EPS15: variants seen among roughly 807,000 people sequenced by gnomAD.
EPS15 encodes epidermal growth factor receptor substrate 15.
EPS15 carries 72 observed loss-of-function variants against 113.8 expected under a neutral mutation model. That is an observed-to-expected ratio of 0.63 (90% CI 0.52 to 0.77). The LOEUF is 0.77. EPS15 is among the 30% of genes least tolerant of loss of function. The probability of loss-of-function intolerance (pLI) is 0.00; values close to 1 mark genes in which losing one functional copy is unlikely to be tolerated. For synonymous variants in EPS15, 344 were observed against 363.4 expected (o/e 0.95, Z 0.61); for missense variants, 1,048 against 1,045.8 (o/e 1.00, Z -0.03).
intron 2 of EPS15, among the ~76,000 whole-genome samples, chr1:51,479,993 G>A (rs187219287): frequency 6.6e-6 from 1 of 152,312 alleles, no homozygotes; most frequent in Non-Finnish European, 1.5e-5. Flanking sequence ...AAATATGGTG[G>A]AGAGAATTTC....
At chr1:51,462,670 A>G (rs936996966) in intron 7 of EPS15, among the ~76,000 whole-genome samples, 6 of 152,130 alleles carry the variant, frequency 3.9e-5, no homozygotes, top group African/African-American at 9.7e-5. Flanking sequence ...CTGTAGACCA[A>G]AAGACAGGGA....
chr1:51,518,276 A>G (rs1394484838), intron 1 of EPS15: 1 of 152,434 alleles, frequency 6.6e-6, no homozygotes, highest in African/African-American at 2.4e-5. Context: ...TTTTCTGAGA[A>G]GCACAAGGAC....
chr1:51,435,815 A>C (rs1652104961), intron 12 of EPS15, among the ~76,000 whole-genome samples: 1 of 152,208 alleles, frequency 6.6e-6, no homozygotes, highest in Non-Finnish European at 1.5e-5. Flanking sequence ...AAACGAATAA[A>C]GCCTCTGGAA....
chr1:51,421,119 C>T (rs886805196), intron 13 of EPS15, among the ~76,000 whole-genome samples: 1 of 152,040 alleles, frequency 6.6e-6, no homozygotes, highest in South Asian at 2.1e-4. Context: ...CTATTTCTAA[C>T]GTTAGAAACA....
chr1:51,412,746 T>A (rs1414455376), intron 13 of EPS15, among the ~76,000 whole-genome samples: 1 of 152,246 alleles, frequency 6.6e-6, no homozygotes, highest in Non-Finnish European at 1.5e-5. Flanking sequence ...TCACCCAGTC[T>A]AGTAACTTCA....
intron 21 of EPS15, among the ~76,000 whole-genome samples, chr1:51,367,479 G>A (rs1646533209): frequency 6.6e-6 from 1 of 152,184 alleles, no homozygotes; most frequent in Non-Finnish European, 1.5e-5. Flanking sequence ...CTTGAACCCA[G>A]GAGGCGGAGG....
At chr1:51,496,818 C>T (rs1422390247) in intron 1 of EPS15, among the ~76,000 whole-genome samples, 1 of 152,148 alleles carries the variant, frequency 6.6e-6, no homozygotes, top group Admixed American at 6.5e-5. Flanking sequence ...GATAACATAT[C>T]AACTTCTCAT....
In EPS15 at chr1:51,435,169, A is replaced by G. The variant is rs532174668; in HGVS notation, c.1040+5178T>C. 1.7e-4 allele frequency among the ~76,000 whole-genome samples: 26 copies of G among 151,798 alleles called. 2 individuals carry two copies. The South Asian group carries it at 5.4e-3, about 32-fold the overall frequency. On this transcript the variant is annotated intron_variant, in intron 12 of 24. Transcript: ENST00000371733. The stretch of plus-strand genomic sequence containing the variant: ...GGATTCAAAAACCTTTTATATATAA[A>G]ATCCTTTTCTTTTTCTTTTTTCTTT...
chr1:51,404,605 G>A (rs528224714), intron 16 of EPS15, among the ~76,000 whole-genome samples: 5 of 152,042 alleles, frequency 3.3e-5, no homozygotes, highest in East Asian at 1.9e-4. Context: ...TCTCTAATCC[G>A]TTTTCCACAT....
chr1:51,509,256 T>TTTTTTTTTTTTTTTTTTTGAGACGGAGTC (rs1644577072), intron 1 of EPS15, among the ~76,000 whole-genome samples: 1 of 152,162 alleles, frequency 6.6e-6, no homozygotes, highest in Admixed American at 6.5e-5. Flanking sequence ...TTCATATTTT[T>TTTTTTTTTTTTTTTTTTTGAGACGGAGTC]TATATATGCA....
chr1:51,424,953 C>A (rs58867548), intron 12 of EPS15, among the ~76,000 whole-genome samples: 4,578 of 152,118 alleles, frequency 0.03, 77 homozygotes, highest in African/African-American at 0.05. Flanking sequence ...TTTGCCCAAA[C>A]CACCACTCAT....
rs1327141390 is a variant in EPS15 at position 51,405,994 on chromosome 1, T to A, written c.1588A>T (p.Ser530Cys). ...VNGATDYCSL[S>C]TSSSETANLN... ...TTGGCTGTTTCACTGCTGCTGGTGC[T>A]GAGGCTGCAATAATCTGTAGCTCCG... Residue 530 changes from serine to cysteine, a missense_variant, in exon 16 of 25, where the codon AGC becomes TGC. Transcript: ENST00000371733. The A allele has an allele frequency of 1.2e-6, 2 of 1,614,206 alleles. No individual in the cohort carries two copies. The highest frequency in any genetic ancestry group is 8.5e-7 in the Non-Finnish European group (1 of 1,180,020).
chr1:51,492,135 C>T (rs550590861), intron 1 of EPS15, among the ~76,000 whole-genome samples: 1 of 152,176 alleles, frequency 6.6e-6, no homozygotes, highest in East Asian at 1.9e-4. Flanking sequence ...AGGCATGAGC[C>T]GCTGTGCCTG....
intron 12 of EPS15, among the ~76,000 whole-genome samples, chr1:51,429,811 T>C (rs538121875): frequency 6.6e-6 from 1 of 152,130 alleles, no homozygotes; most frequent in East Asian, 1.9e-4. Context: ...CCACCACGCC[T>C]GGCTAATTTT....
Position 51,490,564 on chromosome 1 carries a change from CAAA to C in EPS15, c.34-9253_34-9251del, listed in dbSNP as rs60149665. 6.2e-3 allele frequency among the ~76,000 whole-genome samples: 472 copies of C among 76,598 alleles called. 4 individuals are homozygous for C. The highest frequency in any genetic ancestry group is 0.022 in the African/African-American group (450 of 20,650). The allele number at this position is 76,598 out of a possible 152,430, so 50.3% of individuals were successfully genotyped here. A position where few individuals can be genotyped will look rare whatever the true frequency, so the allele number is the denominator to read the frequency against. On this transcript the variant is annotated intron_variant, in intron 1 of 24. Coordinates refer to ENST00000371733, the MANE Select transcript of EPS15 (RefSeq NM_001981.3). ...TGGGCAACAGTGCGAGACTCCATCT[CAAA>C]AAAAAAAAAAAAAAAAAACAGAAGT...
Position 51,409,602 on chromosome 1 carries a change from T to C in EPS15, c.1208A>G (p.Glu403Gly). The change falls in exon 14 of 25, where the codon GAG becomes GGG. Residue 403 changes from glutamate to glycine, a missense_variant. By Grantham distance (98) the Glu-to-Gly change is moderately conservative. Coordinates refer to ENST00000371733, the MANE Select transcript of EPS15 (RefSeq NM_001981.3). The stretch of plus-strand genomic sequence containing the variant: ...TTGCTCCTCCAGCTGGGCTTTCTGC[T>C]CATCCAGTTCATCAAGGAGTTCCTG... ...QVQELLDELD[E>G]QKAQLEEQLK... 1 of 1,614,072 alleles carries C rather than the reference T, an allele frequency of 6.2e-7. No individual in the cohort carries two copies. Among genetic ancestry groups the C allele is most frequent in the Non-Finnish European group, 8.5e-7 (1 of 1,179,970 alleles).
chr1:51,508,221 A>AG lies in EPS15; in HGVS notation c.33+10977_33+10978insC, dbSNP rs1185766677. Among the ~76,000 whole-genome samples, 452 of 127,032 alleles carry AG rather than the reference A, an allele frequency of 3.6e-3. 1 individual carries two copies. The highest frequency in any genetic ancestry group is 6.1e-3 in the African/African-American group (198 of 32,338). The allele number at this position is 127,032 out of a possible 152,430, so 83.3% of individuals were successfully genotyped here. On this transcript the variant is annotated intron_variant, in intron 1 of 24. Transcript: ENST00000371733. ...AAGAAAAGAAAAGAAAAGAAAAGAA[A>AG]AGAAAAGAAAAGAAAAGAAAGAGAG... is the stretch of plus-strand genomic sequence containing the variant.
intron 13 of EPS15, among the ~76,000 whole-genome samples, chr1:51,411,690 T>TA (rs1424780939): frequency 5.9e-5 from 9 of 152,198 alleles, no homozygotes; most frequent in African/African-American, 2.2e-4. Flanking sequence ...GTTCTCTCAT[T>TA]AACCCGTCAG....
Position 51,402,479 on chromosome 1 carries a change from G to C in EPS15, c.1838C>G (p.Ala613Gly), listed in dbSNP as rs143123544. 453 of 1,590,272 alleles carry C rather than the reference G, an allele frequency of 2.8e-4. 4 individuals carry two copies. In the South Asian group the frequency reaches 3.3e-3, roughly 12 times the overall value. ...VDSSSLTGPV[A>G]DTNLDFFQSD... ...CTGGAAAAAATCCAAGTTTGTATCT[G>C]CAACTGGACCTGTCAGCGAACTTGA... Residue 613 changes from alanine to glycine, a missense_variant, in exon 18 of 25, where the codon GCA (alanine) becomes GGA (glycine). By Grantham distance (60) the Ala-to-Gly change is moderately conservative (BLOSUM62 0). Coordinates refer to ENST00000371733, the MANE Select transcript of EPS15 (RefSeq NM_001981.3).
Sources: allele counts gnomAD v4.1 joint callset (sites outside exome capture counted in the v4.1 genomes callset), GRCh38; gene constraint gnomAD v4.1.1; transcripts MANE v1.5; gene names NCBI Gene and HGNC (gene_info 2026-07-23, HGNC 2026-07-21).